The following C8A variants were observed in gnomAD, a reference collection of about 807,000 sequenced individuals.
The protein encoded by C8A is complement C8 alpha chain, also known as complement component C8 alpha chain.
In C8A, 67 loss-of-function variants were observed where a neutral mutation model predicts 65.3. The ratio of observed to expected loss-of-function variants is 1.03; its 90% confidence interval spans 0.84 to 1.26. The LOEUF (loss-of-function observed/expected upper bound fraction) is 1.26, where lower values mean the gene tolerates loss of function less well. C8A is among the 50% of genes most tolerant of loss of function. C8A has a pLI of 0.00. For missense variants in C8A, 781 were observed against 723.9 expected (o/e 1.08, Z -0.90); for synonymous variants, 290 against 259.4 (o/e 1.12, Z -1.13).
chr1:56,867,218 T>C (rs903894655), intron 1 of C8A, among the ~76,000 whole-genome samples: 1 of 152,122 alleles, frequency 6.6e-6, no homozygotes, highest in African/African-American at 2.4e-5. Context: ...TCAGAGATAT[T>C]AAGTAATTTA....
At chr1:56,890,533 G>A (rs577401602) in intron 7 of C8A, among the ~76,000 whole-genome samples, 5 of 152,118 alleles carry the variant, frequency 3.3e-5, no homozygotes, top group African/African-American at 9.7e-5. Context: ...TAAAGCATAT[G>A]CATCACCTGT....
intron 7 of C8A, among the ~76,000 whole-genome samples, chr1:56,888,377 G>A (rs1264219981): frequency 6.6e-6 from 1 of 152,134 alleles, no homozygotes; most frequent in Non-Finnish European, 1.5e-5. Flanking sequence ...TATACATTAT[G>A]TGTTTGTGCT....
At chr1:56,867,952 T>C (rs774651684) in intron 2 of C8A, among the ~76,000 whole-genome samples, 1 of 152,150 alleles carries the variant, frequency 6.6e-6, no homozygotes, top group Non-Finnish European at 1.5e-5. Context: ...AGTCACTATC[T>C]GTACATGGGC....
intron 7 of C8A, among the ~76,000 whole-genome samples, chr1:56,888,162 C>T (rs72670327): frequency 0.2 from 30,018 of 152,024 alleles, 3,330 homozygotes; most frequent in East Asian, 0.35. Flanking sequence ...GTATTATCTT[C>T]CTTATCCAGA....
intron 7 of C8A, among the ~76,000 whole-genome samples, chr1:56,892,538 C>T (rs374719186): frequency 4.6e-5 from 7 of 152,080 alleles, no homozygotes; most frequent in African/African-American, 9.7e-5. Context: ...CCTCTCTCCC[C>T]CTACATATCT....
At chr1:56,886,249 T>C in intron 7 of C8A, 82 bp downstream of exon 7, 1 of 1,530,126 alleles carries the variant, frequency 6.5e-7, no homozygotes, top group African/African-American at 1.4e-5. Flanking sequence ...GCACTGACTA[T>C]GAGCCATGGG....
At chr1:56,874,890 G>A (rs2101216492) in intron 2 of C8A, 59 bp from the exon 3 acceptor site, 13 of 1,597,228 alleles carry the variant, frequency 8.1e-6, no homozygotes, top group Middle Eastern at 1.8e-4. Flanking sequence ...GGCTGCACAA[G>A]TCTTGGTTGA....
chr1:56,856,479 G>A (rs1643976589), intron 1 of C8A, among the ~76,000 whole-genome samples: 1 of 152,046 alleles, frequency 6.6e-6, no homozygotes, highest in Non-Finnish European at 1.5e-5. Flanking sequence ...TCCCTTGATG[G>A]TTGACAATAA....
Position 56,908,003 on chromosome 1 carries a change from C to T in C8A, c.1270C>T (p.Arg424Ter), listed in dbSNP as rs140856114. Residue 424 changes from arginine (R) to a stop codon, truncating the protein, a stop_gained, in exon 9 of 11, where the codon CGA becomes TGA. Coordinates refer to ENST00000361249, the MANE Select transcript of C8A (RefSeq NM_000562.3). LOFTEE classifies it high-confidence loss of function. ...MAVEDIISRVRGGSSGWSGGL... is the reference protein window; with the variant it reads ...MAVEDIISRV Reference sequence around the variant, plus strand: ...TGTGGAAGACATTATTTCTCGGGTGCGAGGTGGCAGTTCTGGCTGGAGCGG... The same window carrying T: ...TGTGGAAGACATTATTTCTCGGGTGTGAGGTGGCAGTTCTGGCTGGAGCGG... The T allele has an allele frequency of 2.2e-5, 36 of 1,613,988 alleles. No individual in the cohort carries two copies. In the African/African-American group the frequency reaches 2.9e-4, roughly 13 times the overall value.
intron 7 of C8A, among the ~76,000 whole-genome samples, chr1:56,892,259 T>C (rs184634214): frequency 6.6e-6 from 1 of 152,162 alleles, no homozygotes; most frequent in African/African-American, 2.4e-5. Flanking sequence ...ACCACCATCC[T>C]CCCAGTTTAC....
chr1:56,861,240 C>G (rs1159165596), intron 1 of C8A, among the ~76,000 whole-genome samples: 2 of 152,004 alleles, frequency 1.3e-5, no homozygotes, highest in East Asian at 1.9e-4. Flanking sequence ...AGCTTCTATT[C>G]TAGAAAATGT....
intron 2 of C8A, among the ~76,000 whole-genome samples, chr1:56,872,088 G>A (rs1480400036): frequency 1.3e-5 from 2 of 152,042 alleles, no homozygotes; most frequent in African/African-American, 4.8e-5. Context: ...TTGCCCTTTT[G>A]TCAAAGAAGC....
intron 7 of C8A, among the ~76,000 whole-genome samples, chr1:56,894,544 ATCT>A (rs1644373778): frequency 6.6e-6 from 1 of 152,128 alleles, no homozygotes; most frequent in Non-Finnish European, 1.5e-5. Context: ...ATTATTGATC[ATCT>A]TATTCCAGTC....
intron 1 of C8A, among the ~76,000 whole-genome samples, chr1:56,855,969 T>C (rs1328157383): frequency 6.6e-6 from 1 of 152,100 alleles, no homozygotes; most frequent in African/African-American, 2.4e-5. Flanking sequence ...AAGAGAACTG[T>C]GTAAAGGAAA....
chr1:56,886,550 A>T (rs996625267), intron 7 of C8A, among the ~76,000 whole-genome samples: 2 of 152,170 alleles, frequency 1.3e-5, no homozygotes, highest in Non-Finnish European at 2.9e-5. Context: ...ACTTACATTC[A>T]TCTCAGACTC....
intron 3 of C8A, 36 bp from the exon 4 acceptor site, chr1:56,876,026 G>A (rs1190801957): frequency 6.2e-7 from 1 of 1,607,916 alleles, no homozygotes; most frequent in Non-Finnish European, 8.5e-7. Context: ...GAGGGAGAGG[G>A]GAACCCGAGG....
intron 7 of C8A, among the ~76,000 whole-genome samples, chr1:56,894,772 C>T (rs561098183): frequency 6.4e-4 from 98 of 152,152 alleles, no homozygotes; most frequent in African/African-American, 2.2e-3. Context: ...GTCTAGATAC[C>T]AAGATGCTTA....
In C8A at chr1:56,874,978, C is replaced by T. The variant is rs1323205185; in HGVS notation, c.201C>T (p.Asn67=). 2 of 1,613,756 alleles carry T rather than the reference C, an allele frequency of 1.2e-6. No individual in the cohort carries two copies. The highest frequency in any genetic ancestry group is 2.2e-5 in the East Asian group (1 of 44,836). Residue 67 remains asparagine, a synonymous_variant, in exon 3 of 11, where the codon AAC becomes AAT. Transcript: ENST00000361249. ...KYRHRSLLQP[N]KFGGTICSGD... ...GACACCGGAGCCTCTTGCAGCCAAA[C>T]AAGTTTGGGGGAACCATCTGCAGTG...
At chr1:56,863,681 G>GA (rs1644055973) in intron 1 of C8A, among the ~76,000 whole-genome samples, 1 of 152,114 alleles carries the variant, frequency 6.6e-6, no homozygotes, top group South Asian at 2.1e-4. Flanking sequence ...CAGTCTATTA[G>GA]AAAAATACGT....
Sources: gnomAD v4.1 joint callset for allele counts (sites outside exome capture counted in the v4.1 genomes callset) on GRCh38, gnomAD v4.1.1 for gene constraint, MANE v1.5 for transcripts, NCBI Gene and HGNC (gene_info 2026-07-23, HGNC 2026-07-21) for gene names.